The following XPO4 variants were observed in gnomAD, a reference collection of about 807,000 sequenced individuals.
The protein encoded by XPO4 is exportin 4.
In XPO4, 39 loss-of-function variants were observed where a neutral mutation model predicts 143.0. The ratio of observed to expected loss-of-function variants is 0.27; its 90% CI spans 0.21 to 0.36. The LOEUF (loss-of-function observed/expected upper bound fraction) is 0.36. Among genes scored for constraint, XPO4 ranks in the 10% least tolerant of loss-of-function variants. XPO4 has a pLI of 1.00. For synonymous variants in XPO4, 439 were observed against 474.0 expected (o/e 0.93, Z 0.96); for missense variants, 907 against 1,348.0 (o/e 0.67, Z 5.12).
At chr13:20,797,843 T>C (rs2059378311) in intron 16 of XPO4, among the ~76,000 whole-genome samples, 1 of 152,112 alleles carries the variant, frequency 6.6e-6, no homozygotes. Context: ...AACCCCAGGA[T>C]ATGAACTTAT....
chr13:20,790,369 T>C, intron 19 of XPO4, 93 bp downstream of exon 19: 1 of 1,014,746 alleles, frequency 9.9e-7, no homozygotes, highest in Non-Finnish European at 1.5e-6. Context: ...CAGATACAAC[T>C]ACTAAATTAA....
intron 9 of XPO4, among the ~76,000 whole-genome samples, chr13:20,813,580 G>A (rs1450773302): frequency 3.3e-5 from 5 of 152,038 alleles, no homozygotes; most frequent in East Asian, 1.9e-4. Flanking sequence ...AATCACTTTC[G>A]GAAAAATTTG....
intron 1 of XPO4, among the ~76,000 whole-genome samples, chr13:20,899,139 G>A (rs146538466): frequency 1.4e-4 from 21 of 152,194 alleles, no homozygotes; most frequent in African/African-American, 3.9e-4. Flanking sequence ...ATCAATGCAC[G>A]GTTGATGTCC....
chr13:20,877,490 G>A (rs1439684689), intron 1 of XPO4, among the ~76,000 whole-genome samples: 1 of 152,164 alleles, frequency 6.6e-6, no homozygotes, highest in Non-Finnish European at 1.5e-5. Flanking sequence ...CATGATAGCT[G>A]TAGTTCTACT....
In XPO4 at chr13:20,800,849, A is replaced by G; in HGVS notation, c.1959T>C (p.Asp653=). Residue 653 remains aspartate (D), a synonymous_variant, in exon 14 of 23, where the codon GAT becomes GAC. Coordinates refer to ENST00000255305, the MANE Select transcript of XPO4 (RefSeq NM_022459.5). ...KRWAKTYLLV[D]EKLYDQISLP... ...TTCTGACCTGATCATACAGTTTTTC[A>G]TCCACCAGGAGATAAGTCTTTGCCC... The G allele has an allele frequency of 6.2e-7, 1 of 1,613,772 alleles. No homozygotes were observed. Among genetic ancestry groups the G allele is most frequent in the African/African-American group, 1.3e-5 (1 of 75,038 alleles).
At chr13:20,807,357 G>C (rs1156658373) in intron 13 of XPO4, 100 bp downstream of exon 13, 2 of 1,205,980 alleles carry the variant, frequency 1.7e-6, no homozygotes, top group African/African-American at 3.2e-5. Flanking sequence ...TCATGTATCA[G>C]ATTTACAACG....
intron 3 of XPO4, among the ~76,000 whole-genome samples, chr13:20,861,768 C>T (rs1045441100): frequency 4.3e-5 from 6 of 140,902 alleles, no homozygotes; most frequent in Admixed American, 3.6e-4. Context: ...GAACCTTGCA[C>T]ATTTCTCTCT....
At chr13:20,891,121 T>TAAAAA (rs1566629726) in intron 1 of XPO4, among the ~76,000 whole-genome samples, 1 of 85,986 alleles carries the variant, frequency 1.2e-5, no homozygotes, top group Non-Finnish European at 2.3e-5. Flanking sequence ...CCATCTCAAT[T>TAAAAA]TAAAAAAAAA....
chr13:20,832,362 A>G (rs1304565603), intron 6 of XPO4, among the ~76,000 whole-genome samples: 1 of 152,254 alleles, frequency 6.6e-6, no homozygotes, highest in Non-Finnish European at 1.5e-5. Context: ...TAACACTTTC[A>G]GTAAGGGTAT....
At chr13:20,850,808 C>T (rs565976635) in intron 4 of XPO4, 259 of 985,156 alleles carry the variant, frequency 2.6e-4, no homozygotes, top group Non-Finnish European at 3.0e-4. Context: ...GCTTCAAAAG[C>T]GAAGGGGGAA....
chr13:20,819,853 C>T (rs748096638), intron 9 of XPO4, among the ~76,000 whole-genome samples: 3 of 152,172 alleles, frequency 2.0e-5, no homozygotes, highest in Non-Finnish European at 4.4e-5. Flanking sequence ...GTCCTCTACT[C>T]CCAGCATACA....
intron 6 of XPO4, among the ~76,000 whole-genome samples, chr13:20,832,514 G>A (rs2059865567): frequency 6.6e-6 from 1 of 152,108 alleles, no homozygotes; most frequent in Non-Finnish European, 1.5e-5. Flanking sequence ...GAAAGATCTT[G>A]TAGCAACAAT....
chr13:20,878,926 A>G (rs1316069084), intron 1 of XPO4, among the ~76,000 whole-genome samples: 1 of 152,238 alleles, frequency 6.6e-6, no homozygotes, highest in Non-Finnish European at 1.5e-5. Context: ...TCTATTCTCG[A>G]TAGTACAGCT....
Position 20,796,946 on chromosome 13 carries a change from G to C in XPO4, c.2434C>G (p.Leu812Val). Residue 812 changes from leucine to valine, a missense_variant, in exon 17 of 23, where the codon CTG (leucine) becomes GTG (valine). Transcript: ENST00000255305. ...KQEITATLEA[L>V]CGIAEATQID... is the part of the protein sequence containing the mutation. ...TGGGTAGCCTCAGCAATGCCACACA[G>C]GGCCTCTAGTGTGGCAGTGATTTCC... 1 of 1,614,038 alleles carries C rather than the reference G, an allele frequency of 6.2e-7. No individual in the cohort carries two copies.
chr13:20,850,016 G>A (rs760543329), intron 4 of XPO4: 1 of 719,808 alleles, frequency 1.4e-6, no homozygotes, highest in Non-Finnish European at 1.7e-6. Context: ...TGAGGCATGA[G>A]AATCGCTTAA....
At chr13:20,826,966 T>G in intron 7 of XPO4, 101 bp downstream of exon 7, 1 of 757,058 alleles carries the variant, frequency 1.3e-6, no homozygotes, top group Non-Finnish European at 2.3e-6. Flanking sequence ...GACAAGACTT[T>G]AGGGGAGAAA....
intron 2 of XPO4, among the ~76,000 whole-genome samples, chr13:20,864,732 G>A (rs4769134): frequency 0.3 from 44,961 of 151,942 alleles, 8,257 homozygotes; most frequent in East Asian, 0.8. Flanking sequence ...TGGATGTGAG[G>A]GGGCAGTTAT....
chr13:20,814,584 G>C (rs2059625712), intron 9 of XPO4, among the ~76,000 whole-genome samples: 1 of 152,226 alleles, frequency 6.6e-6, no homozygotes, highest in Non-Finnish European at 1.5e-5. Context: ...ACCTAACCTA[G>C]CGCTTTTTCA....
In XPO4 at chr13:20,856,106, G is replaced by A. The variant is rs1486592833; in HGVS notation, c.318-341C>T. Among the ~76,000 whole-genome samples, 4 of 152,128 alleles carry A rather than the reference G, an allele frequency of 2.6e-5. No homozygotes were observed. In the East Asian group the frequency reaches 7.7e-4, roughly 29 times the overall value. On this transcript the variant is annotated intron_variant, in intron 3 of 22. Transcript: ENST00000255305. ...ACTATACAAGTGTTATTTGCTCCAG[G>A]AAGTGTTCAACAGATGTAAGTCAGC...
Sources: allele counts gnomAD v4.1 joint callset (sites outside exome capture counted in the v4.1 genomes callset), GRCh38; gene constraint gnomAD v4.1.1; transcripts MANE v1.5; gene names NCBI Gene and HGNC (gene_info 2026-07-23, HGNC 2026-07-21).